The following TACC2 variants were observed in gnomAD, a reference collection of about 807,000 sequenced individuals.
TACC2 encodes transforming acidic coiled-coil containing protein 2.
TACC2 carries 137 observed loss-of-function variants against 227.3 expected under a neutral mutation model. That is an observed-to-expected ratio of 0.60 (90% CI 0.52 to 0.69). TACC2 has a LOEUF of 0.69. Ranked by LOEUF, TACC2 falls within the 30% of genes least tolerant of loss-of-function variation. The pLI is 0.00. For missense variants in TACC2, 3,470 were observed against 3,694.4 expected, an observed-to-expected ratio of 0.94 and a Z score of 1.57; for synonymous variants, 1,523 against 1,487.5, an observed-to-expected ratio of 1.02 and a Z score of -0.55.
At chr10:122,187,236 T>C (rs2094233815) in intron 7 of TACC2, among the ~76,000 whole-genome samples, 1 of 152,232 alleles carries the variant, frequency 6.6e-6, no homozygotes, top group African/African-American at 2.4e-5. Context: ...CCCTTCATTC[T>C]GGAAGCAGTC....
chr10:122,095,659 C>T (rs915445538), intron 5 of TACC2, among the ~76,000 whole-genome samples: 3 of 152,200 alleles, frequency 2.0e-5, no homozygotes, highest in Admixed American at 2.0e-4. Flanking sequence ...GCTTTTCAGA[C>T]ATCAGATCTA....
intron 2 of TACC2, among the ~76,000 whole-genome samples, chr10:122,043,831 C>T (rs888021064): frequency 7.2e-5 from 11 of 152,200 alleles, no homozygotes; most frequent in African/African-American, 2.4e-4. Context: ...CTGCCCGCCT[C>T]GGCCTCCCAA....
At position 122,050,286 on chromosome 10, in the gene TACC2, A is replaced by G. The variant is rs2075525069; in HGVS notation, c.34-152A>G. ...GCCATATATCCTCAAGGCCTAGCTC[A>G]GTGCCGCACATAGTAGGTGTTTCGT... On this transcript the variant is annotated intron_variant, in intron 2 of 22. Coordinates refer to ENST00000369005, the MANE Select transcript of TACC2 (RefSeq NM_206862.4). The surrounding 1 kb of genome is among the most constrained non-coding windows in gnomAD (Gnocchi z 4.6). The G allele has an allele frequency of 3.1e-6, 2 of 637,952 alleles. No homozygotes were observed. Among genetic ancestry groups the G allele is most frequent in the Non-Finnish European group, 5.6e-6 (2 of 355,038 alleles). 39.5% of individuals were successfully genotyped at this position (637,952 alleles called of 1,614,324 possible).
chr10:122,091,089 C>G (rs2080762820), intron 5 of TACC2, among the ~76,000 whole-genome samples: 1 of 152,118 alleles, frequency 6.6e-6, no homozygotes, highest in Admixed American at 6.6e-5. Context: ...ATGGTTTTAA[C>G]AGCAATGGAA....
chr10:122,211,789 C>T, intron 9 of TACC2, 81 bp downstream of exon 9: 1 of 1,262,140 alleles, frequency 7.9e-7, no homozygotes, highest in Non-Finnish European at 1.1e-6. Context: ...GCCTGGATAA[C>T]CTTCGACTGC....
chr10:122,013,068 G>A (rs10788229), intron 1 of TACC2, among the ~76,000 whole-genome samples: 69,585 of 151,972 alleles, frequency 0.46, 16,090 homozygotes, highest in South Asian at 0.62. Flanking sequence ...ATGACAAGCA[G>A]TAACTAATAA....
intron 8 of TACC2, among the ~76,000 whole-genome samples, chr10:122,196,813 G>A (rs1593202222): frequency 1.3e-5 from 2 of 151,600 alleles, no homozygotes; most frequent in East Asian, 3.9e-4. Flanking sequence ...GCGGGCACCT[G>A]TAGTCCCAGC....
intron 16 of TACC2, among the ~76,000 whole-genome samples, chr10:122,235,401 T>C (rs2095838965): frequency 6.6e-6 from 1 of 152,128 alleles, no homozygotes; most frequent in Admixed American, 6.5e-5. Context: ...AATTTTTTTT[T>C]ATTAAAAATT....
intron 10 of TACC2, 79 bp from the exon 11 acceptor site, chr10:122,216,548 G>T (rs1565660124): frequency 1.4e-6 from 2 of 1,458,608 alleles, no homozygotes; most frequent in East Asian, 4.6e-5. Flanking sequence ...CTGGCTAATG[G>T]GTCCCCAGAC....
intron 7 of TACC2, chr10:122,192,815 A>G: frequency 2.2e-6 from 1 of 456,408 alleles, no homozygotes. Flanking sequence ...ATCTCTGTGT[A>G]TCTTGTCAGT....
intron 14 of TACC2, among the ~76,000 whole-genome samples, chr10:122,228,697 G>A (rs2095674873): frequency 1.3e-5 from 2 of 152,150 alleles, no homozygotes; most frequent in African/African-American, 4.8e-5. Flanking sequence ...TTCTGTGTTA[G>A]TAGGCCATTT....
chr10:122,160,538 TG>T (rs71482691), intron 7 of TACC2, among the ~76,000 whole-genome samples: 26 of 150,796 alleles, frequency 1.7e-4, no homozygotes, highest in African/African-American at 5.6e-4. Flanking sequence ...AGTGTGTGTG[TG>T]GGGGGGGTCT....
intron 5 of TACC2, among the ~76,000 whole-genome samples, chr10:122,096,348 C>T (rs868295293): frequency 5.3e-5 from 8 of 152,322 alleles, no homozygotes; most frequent in Non-Finnish European, 8.8e-5. Context: ...CTGACAGCAG[C>T]GCTTGTGGCA....
In TACC2 at chr10:122,143,769, C is replaced by G; in HGVS notation, c.5834+63C>G. The G allele has an allele frequency of 2.6e-6, 4 of 1,563,654 alleles. No individual in the cohort carries two copies. The South Asian group carries it at 4.6e-5, about 18-fold the overall frequency. On this transcript the variant is annotated intron_variant, in intron 7 of 22. Transcript: ENST00000369005. ...GAGAGCAGGGGCCTGGTGGTCTCTGCCCCCTAGGTCTTGGGGTGAGCCGCA... is the reference window on the plus strand; with the variant it reads ...GAGAGCAGGGGCCTGGTGGTCTCTGGCCCCTAGGTCTTGGGGTGAGCCGCA...
intron 7 of TACC2, among the ~76,000 whole-genome samples, chr10:122,177,659 G>A (rs2093784027): frequency 6.6e-6 from 1 of 152,194 alleles, no homozygotes; most frequent in Non-Finnish European, 1.5e-5. Flanking sequence ...TGAAGCTGGG[G>A]AGGAGATAAG....
chr10:122,024,791 A>G (rs550699845), intron 2 of TACC2, among the ~76,000 whole-genome samples: 7 of 152,012 alleles, frequency 4.6e-5, no homozygotes, highest in Non-Finnish European at 8.8e-5. Flanking sequence ...TGTACTGTAC[A>G]TTTTGTGGAA....
intron 3 of TACC2, among the ~76,000 whole-genome samples, chr10:122,065,848 A>G (rs2077315629): frequency 6.6e-6 from 1 of 152,218 alleles, no homozygotes; most frequent in African/African-American, 2.4e-5. Context: ...AAATTTTAGA[A>G]TTTATATGGA....
intron 16 of TACC2, 98 bp downstream of exon 16, chr10:122,230,538 A>T: frequency 9.1e-7 from 1 of 1,103,216 alleles, no homozygotes; most frequent in Middle Eastern, 2.4e-4. Context: ...GGCGGGCATC[A>T]TCGGTGTCCA....
At position 122,135,801 on chromosome 10, in the gene TACC2, C is replaced by T. The variant is rs140688936; in HGVS notation, c.5699+3067C>T. On this transcript the variant is annotated intron_variant, in intron 6 of 22. Coordinates refer to ENST00000369005, the MANE Select transcript of TACC2 (RefSeq NM_206862.4). ...ACACACGTTCTCAGCTAAGATTGAA[C>T]GAGGCAACGCCCTGCCTTCTTGTCG... Among the ~76,000 whole-genome samples the T allele has an allele frequency of 1.9e-3, 282 of 152,332 alleles. 2 individuals are homozygous for T. The highest frequency in any genetic ancestry group is 6.2e-3 in the African/African-American group (258 of 41,570).
Sources: gnomAD v4.1 joint callset for allele counts (sites outside exome capture counted in the v4.1 genomes callset) on GRCh38, gnomAD v4.1.1 for gene constraint, Gnocchi (gnomAD v3.1) non-coding constraint, MANE v1.5 for transcripts, NCBI Gene and HGNC (gene_info 2026-07-23, HGNC 2026-07-21) for gene names.